Variants in TMEM41B observed in about 807,000 individuals in gnomAD.
TMEM41B encodes the protein protein stasimon.
TMEM41B carries 18 observed loss-of-function variants against 31.9 expected under a neutral mutation model. The ratio of observed to expected loss-of-function variants is 0.56; its 90% CI spans 0.39 to 0.84. TMEM41B has a LOEUF of 0.84. TMEM41B is among the 40% of genes least tolerant of loss of function. The probability of loss-of-function intolerance (pLI) is 0.00; values close to 1 mark genes in which losing one functional copy is unlikely to be tolerated. For missense variants in TMEM41B, 322 were observed against 348.0 expected (o/e 0.93, Z 0.59); for synonymous variants, 144 against 124.3 (o/e 1.16, Z -1.05).
intron 2 of TMEM41B, among the ~76,000 whole-genome samples, chr11:9,299,321 T>TACACACACACAC (rs1303303364): frequency 2.9e-4 from 3 of 10,514 alleles, no homozygotes; most frequent in Non-Finnish European, 7.8e-4. Flanking sequence ...TATATATACA[T>TACACACACACAC]ACATACACAC....
chr11:9,308,177 T>C (rs1287379924), intron 1 of TMEM41B, among the ~76,000 whole-genome samples: 1 of 152,132 alleles, frequency 6.6e-6, no homozygotes, highest in Non-Finnish European at 1.5e-5. Context: ...TAAAACCCTC[T>C]ACTAAAAATA....
At chr11:9,303,781 T>C (rs1182941344) in intron 1 of TMEM41B, among the ~76,000 whole-genome samples, 2 of 149,448 alleles carry the variant, frequency 1.3e-5, no homozygotes, top group African/African-American at 4.9e-5. Context: ...CATTCTCCCA[T>C]CTCAGCCTCT....
At chr11:9,285,967 T>C (rs899684182) in intron 6 of TMEM41B, among the ~76,000 whole-genome samples, 1 of 151,994 alleles carries the variant, frequency 6.6e-6, no homozygotes, top group Non-Finnish European at 1.5e-5. Flanking sequence ...ATACAAAAAT[T>C]AGCCAGACGT....
chr11:9,303,465 T>C (rs1001370204), intron 1 of TMEM41B, among the ~76,000 whole-genome samples: 3 of 152,116 alleles, frequency 2.0e-5, no homozygotes, highest in African/African-American at 4.8e-5. Context: ...TATCTGTTTA[T>C]AATTTACCTG....
intron 1 of TMEM41B, among the ~76,000 whole-genome samples, chr11:9,313,644 G>A (rs376325066): frequency 6.6e-6 from 1 of 152,222 alleles, no homozygotes. Flanking sequence ...ACTTTAGAAT[G>A]AGTGACCTTA....
At position 9,314,456 on chromosome 11, in the gene TMEM41B, G is replaced by A. The variant is rs565054189; in HGVS notation, c.-15C>T. 2.0e-5 allele frequency: 31 copies of A among 1,551,218 alleles called. No homozygotes were observed. In the South Asian group the frequency reaches 3.1e-4, roughly 15 times the overall value. On this transcript the variant is annotated 5_prime_UTR_variant, in exon 1 of 7. Coordinates refer to ENST00000528080, the MANE Select transcript of TMEM41B (RefSeq NM_015012.4). ...CCTTTCGCCATGGCTGCTGCAAGGT[G>A]AAGGGAGCGGTGCGGTGCCGCGCCC...
chr11:9,306,869 C>T (rs189233007), intron 1 of TMEM41B, among the ~76,000 whole-genome samples: 1 of 152,228 alleles, frequency 6.6e-6, no homozygotes, highest in East Asian at 1.9e-4. Flanking sequence ...ATGATGCTGC[C>T]TCCTACTTTA....
At chr11:9,310,098 C>T (rs1289928290) in intron 1 of TMEM41B, among the ~76,000 whole-genome samples, 11 of 149,814 alleles carry the variant, frequency 7.3e-5, no homozygotes, top group Middle Eastern at 3.4e-3. Context: ...TGCAGTGGCG[C>T]TATCTTGGCT....
In TMEM41B at chr11:9,283,269, G is replaced by A; in HGVS notation, c.*155C>T. The A allele has an allele frequency of 3.3e-6, 2 of 599,110 alleles. No homozygotes were observed. The highest frequency in any genetic ancestry group is 3.0e-5 in the East Asian group (1 of 33,058). 37.1% of individuals were successfully genotyped at this position (599,110 alleles called of 1,614,324 possible). On this transcript the variant is annotated 3_prime_UTR_variant, in exon 7 of 7. Coordinates refer to ENST00000528080, the MANE Select transcript of TMEM41B (RefSeq NM_015012.4). ...TCCATTTTTACTTTCTTCTCCCCTT[G>A]TCACTTAAATGTATTACTTTAACTA...
At chr11:9,285,536 AAAG>A (rs1289138816) in intron 6 of TMEM41B, among the ~76,000 whole-genome samples, 3 of 152,170 alleles carry the variant, frequency 2.0e-5, no homozygotes, top group East Asian at 1.9e-4. Flanking sequence ...CTCGAACTGG[AAAG>A]AAGAGCAAAA....
intron 1 of TMEM41B, among the ~76,000 whole-genome samples, chr11:9,313,862 C>T (rs1853621974): frequency 6.6e-6 from 1 of 152,104 alleles, no homozygotes; most frequent in Non-Finnish European, 1.5e-5. Flanking sequence ...GGCAGGGACT[C>T]AAGCCCAGGT....
At chr11:9,293,349 T>C (rs140340779) in intron 3 of TMEM41B, among the ~76,000 whole-genome samples, 3 of 152,262 alleles carry the variant, frequency 2.0e-5, no homozygotes, top group Non-Finnish European at 4.4e-5. Context: ...GCAATCCTCC[T>C]GCTGAAGCCT....
At chr11:9,307,938 CG>C (rs1414708237) in intron 1 of TMEM41B, among the ~76,000 whole-genome samples, 1 of 151,494 alleles carries the variant, frequency 6.6e-6, no homozygotes, top group Non-Finnish European at 1.5e-5. Context: ...TTAGTAGAGA[CG>C]GGGTTTCACC....
intron 1 of TMEM41B, among the ~76,000 whole-genome samples, chr11:9,309,502 T>C (rs1183520238): frequency 8.6e-6 from 1 of 116,304 alleles, no homozygotes; most frequent in African/African-American, 2.9e-5. Flanking sequence ...TTAGATTTCA[T>C]CTACAGTAAT....
At chr11:9,309,118 G>C (rs1397563018) in intron 1 of TMEM41B, among the ~76,000 whole-genome samples, 1 of 152,106 alleles carries the variant, frequency 6.6e-6, no homozygotes, top group Non-Finnish European at 1.5e-5. Flanking sequence ...GTGGTGACGT[G>C]TGCCTGTAAT....
chr11:9,298,096 C>T (rs1285529270), intron 2 of TMEM41B, among the ~76,000 whole-genome samples: 1 of 150,824 alleles, frequency 6.6e-6, no homozygotes, highest in East Asian at 1.9e-4. Flanking sequence ...GAGGTGTGAG[C>T]CCCTCTTTCT....
chr11:9,314,527 G>A lies in TMEM41B; in HGVS notation c.-86C>T, dbSNP rs1853647000. On this transcript the variant is annotated 5_prime_UTR_variant, in exon 1 of 7. Transcript: ENST00000528080. ...TGCAGGCTCCTTACTACGCCGAAGC[G>A]CCACGGCTAGAGCCACTTCCGGCGC... 3 of 1,451,716 alleles carry A rather than the reference G, an allele frequency of 2.1e-6. No individual in the cohort carries two copies. Among genetic ancestry groups the A allele is most frequent in the Non-Finnish European group, 2.7e-6 (3 of 1,098,788 alleles). The allele number at this position is 1,451,716 out of a possible 1,614,324, so 89.9% of individuals were successfully genotyped here. A position where few individuals can be genotyped will look rare whatever the true frequency, so the allele number is the denominator to read the frequency against.
chr11:9,284,636 A>G (rs1051254510), intron 6 of TMEM41B, among the ~76,000 whole-genome samples: 42 of 151,820 alleles, frequency 2.8e-4, no homozygotes, highest in Non-Finnish European at 1.0e-4. Flanking sequence ...GTTGGCGCAC[A>G]CCTGTAATCC....
rs1852769782 is a variant in TMEM41B, at chr11:9,283,576, A to T, written c.724T>A (p.Phe242Ile). 6.2e-7 allele frequency: 1 copy of T among 1,605,124 alleles called. No homozygotes were observed. The highest frequency in any genetic ancestry group is 2.2e-5 in the East Asian group (1 of 44,526). ...GTTGTTCCTGCCTTAATGGCTACAA[A>T]AGAAGGAGGTGCGACACCTGAAATA... ...GTFLGVAPPS[F>I]VAIKAGTTLY... Residue 242 changes from phenylalanine to isoleucine, a missense_variant, in exon 7 of 7, where the codon TTT (phenylalanine) becomes ATT (isoleucine). Physicochemically the swap from Phe to Ile is conservative, Grantham distance 21. Transcript: ENST00000528080.
Sources: gnomAD v4.1 joint callset for allele counts (sites outside exome capture counted in the v4.1 genomes callset) on GRCh38, gnomAD v4.1.1 for gene constraint, MANE v1.5 for transcripts, NCBI Gene and HGNC (gene_info 2026-07-23, HGNC 2026-07-21) for gene names.